Variants in SUCLA2 observed in about 807,000 individuals in gnomAD.
The protein encoded by SUCLA2 is succinate--CoA ligase [ADP-forming] subunit beta, mitochondrial.
In SUCLA2, 30 loss-of-function variants were observed where a neutral mutation model predicts 54.8. The observed-to-expected ratio is 0.55, with a 90% CI of 0.41 to 0.74. The LOEUF (loss-of-function observed/expected upper bound fraction) is 0.74, where lower values mean the gene tolerates loss of function less well. Ranked by LOEUF, SUCLA2 falls within the 30% of genes least tolerant of loss-of-function variation. SUCLA2 has a pLI of 0.00. For missense variants in SUCLA2, 476 were observed against 562.9 expected, an observed-to-expected ratio of 0.85 and a Z score of 1.56; for synonymous variants, 172 against 188.9, an observed-to-expected ratio of 0.91 and a Z score of 0.74.
intron 1 of SUCLA2, among the ~76,000 whole-genome samples, chr13:47,998,401 T>C (rs1950205872): frequency 6.6e-6 from 1 of 151,040 alleles, no homozygotes; most frequent in African/African-American, 2.4e-5. Context: ...TATGTATCAA[T>C]AGAAATTAGT....
At chr13:47,992,972 G>A (rs533371821) in intron 2 of SUCLA2, among the ~76,000 whole-genome samples, 14 of 152,326 alleles carry the variant, frequency 9.2e-5, no homozygotes, top group African/African-American at 2.6e-4. Flanking sequence ...GCTCACGCCT[G>A]TAGTCCCAGC....
intron 4 of SUCLA2, chr13:47,988,244 C>G (rs1030036969): frequency 2.2e-6 from 1 of 453,908 alleles, no homozygotes; most frequent in Non-Finnish European, 3.8e-6. Flanking sequence ...TTTTCTCAAT[C>G]TGGAGATGAT....
chr13:47,949,144 T>C (rs1245255217), intron 9 of SUCLA2, 116 bp from the exon 10 acceptor site: 3 of 1,023,458 alleles, frequency 2.9e-6, no homozygotes, highest in Non-Finnish European at 4.6e-6. Context: ...TTCCATTATT[T>C]AGTATAAACA....
intron 10 of SUCLA2, among the ~76,000 whole-genome samples, chr13:47,943,760 G>GTATATATATATATATA (rs1397232676): frequency 3.9e-5 from 5 of 129,368 alleles, no homozygotes; most frequent in African/African-American, 1.6e-4. Context: ...GTGTGTGTGT[G>GTATATATATATATATA]TGTGTGTATA....
Position 47,973,326 on chromosome 13 carries a change from C to G in SUCLA2, c.601G>C (p.Glu201Gln). 1 of 1,613,378 alleles carries G rather than the reference C, an allele frequency of 6.2e-7. No individual in the cohort carries two copies. Among genetic ancestry groups the G allele is most frequent in the Non-Finnish European group, 8.5e-7 (1 of 1,179,524 alleles). The change falls in exon 5 of 11, where the codon GAA becomes CAA. Residue 201 changes from glutamate (E) to glutamine (Q), a missense_variant. This residue lies in a region of SUCLA2 where 342 missense variants were observed against 444.2 expected (regional missense o/e 0.77). Transcript: ENST00000646932. The stretch of plus-strand genomic sequence containing the variant: ...TCAATAGGTTCTTTAATTATTGCTT[C>G]AGGAGACTCAGCAGCAACATCTTCA... ...NIEDVAAESPEAIIKEPIDIE... is the reference protein window; with the variant it reads ...NIEDVAAESPQAIIKEPIDIE...
At chr13:47,978,670 G>T (rs953333280) in intron 4 of SUCLA2, among the ~76,000 whole-genome samples, 1 of 152,170 alleles carries the variant, frequency 6.6e-6, no homozygotes, top group Non-Finnish European at 1.5e-5. Flanking sequence ...TGACAAATGA[G>T]ATCTAATTAA....
rs150896685 is a variant in SUCLA2 at position 47,981,917 on chromosome 13, T to C, written c.534+6624A>G. Among the ~76,000 whole-genome samples the C allele has an allele frequency of 5.9e-3, 897 of 151,622 alleles. 12 individuals are homozygous for C. Among genetic ancestry groups the C allele is most frequent in the African/African-American group, 0.02 (813 of 41,290 alleles). Reference sequence around the variant, plus strand: ...GAAGAATCACTTGATCCCGGGAGACTGGGGTTGCAGTGAGCCGAGACTGCA... The same window carrying C: ...GAAGAATCACTTGATCCCGGGAGACCGGGGTTGCAGTGAGCCGAGACTGCA... On this transcript the variant is annotated intron_variant, in intron 4 of 10. Coordinates refer to ENST00000646932, the MANE Select transcript of SUCLA2 (RefSeq NM_003850.3).
chr13:47,951,451 C>T (rs1420818568), intron 8 of SUCLA2, among the ~76,000 whole-genome samples: 1 of 152,138 alleles, frequency 6.6e-6, no homozygotes, highest in East Asian at 1.9e-4. Flanking sequence ...TCACTGCCAC[C>T]TGCATGCTCA....
In SUCLA2 at chr13:48,001,099, C is replaced by G. The variant is rs1024428843; in HGVS notation, c.90+81G>C. On this transcript the variant is annotated intron_variant, in intron 1 of 10. Coordinates refer to ENST00000646932, the MANE Select transcript of SUCLA2 (RefSeq NM_003850.3). ...AAATGTCACTGCCGGCGAAGTGACC[C>G]CGAGCCGGGCCACGGGACCCCTCAC... 1.8e-5 allele frequency: 28 copies of G among 1,534,914 alleles called. No homozygotes were observed. In the African/African-American group the frequency reaches 3.0e-4, roughly 17 times the overall value.
chr13:47,999,163 G>T (rs1593506996), intron 1 of SUCLA2, among the ~76,000 whole-genome samples: 1 of 151,984 alleles, frequency 6.6e-6, no homozygotes, highest in Non-Finnish European at 1.5e-5. Context: ...ATGTCACAAG[G>T]TCTCATCCCA....
At chr13:47,949,851 A>T (rs74802769) in intron 8 of SUCLA2, among the ~76,000 whole-genome samples, 243 of 152,310 alleles carry the variant, frequency 1.6e-3, no homozygotes, top group Admixed American at 3.9e-3. Context: ...TATATCCCAT[A>T]TGAACAAGAC....
At chr13:47,985,347 C>T (rs1325445693) in intron 4 of SUCLA2, among the ~76,000 whole-genome samples, 1 of 151,958 alleles carries the variant, frequency 6.6e-6, no homozygotes, top group Non-Finnish European at 1.5e-5. Context: ...AGGTATTAAG[C>T]CCAACATTCA....
intron 4 of SUCLA2, among the ~76,000 whole-genome samples, chr13:47,984,859 A>G (rs1352678985): frequency 1.3e-5 from 2 of 152,256 alleles, no homozygotes; most frequent in African/African-American, 4.8e-5. Context: ...AGCACATTTT[A>G]TAACTATTTC....
At chr13:47,971,988 C>T (rs930755205) in intron 5 of SUCLA2, 9 of 396,440 alleles carry the variant, frequency 2.3e-5, no homozygotes, top group Middle Eastern at 6.3e-4. Context: ...CGGTGGCTCA[C>T]GCCTGTAATC....
rs751589957 is a variant in SUCLA2, at chr13:47,943,466, A to G, written c.1318-21T>C. ...ACAACCTAAAAGAAAAGAACGAAGA[A>G]TTTTCACAAAAAGGTAAATTCAGAA... On this transcript the variant is annotated intron_variant, in intron 10 of 10. Transcript: ENST00000646932. The G allele has an allele frequency of 1.2e-5, 20 of 1,612,948 alleles. 1 individual carries two copies. In the South Asian group the frequency reaches 2.1e-4, roughly 17 times the overall value.
At chr13:47,964,054 G>A (rs140648737) in intron 6 of SUCLA2, among the ~76,000 whole-genome samples, 11 of 152,152 alleles carry the variant, frequency 7.2e-5, no homozygotes, top group East Asian at 5.8e-4. Flanking sequence ...GAAAACTACC[G>A]GAAATAACCC....
At chr13:47,984,944 TA>T (rs11284994) in intron 4 of SUCLA2, among the ~76,000 whole-genome samples, 110,847 of 152,030 alleles carry the variant, frequency 0.73, 41,361 homozygotes, top group Non-Finnish European at 0.81. Context: ...ACCAGAAAAA[TA>T]AAAGTAGTAA....
chr13:47,973,739 C>A (rs769743334), intron 4 of SUCLA2, among the ~76,000 whole-genome samples: 77 of 152,114 alleles, frequency 5.1e-4, no homozygotes, highest in Non-Finnish European at 9.0e-4. Context: ...GCACATATAC[C>A]ATGGAATACT....
chr13:48,001,038 AG>A lies in SUCLA2; in HGVS notation c.90+141del, dbSNP rs1421310716. The A allele has an allele frequency of 2.0e-6, 3 of 1,494,066 alleles. No individual in the cohort carries two copies. In the East Asian group the frequency reaches 7.5e-5, roughly 37 times the overall value. 92.6% of individuals were successfully genotyped at this position (1,494,066 alleles called of 1,614,324 possible). On this transcript the variant is annotated intron_variant, in intron 1 of 10. Transcript: ENST00000646932. ...CGTAGTCCTGGCGAGCAGCACTCCCAGGCAAGTCGCCCGAGGGCCTTGCAGG... is the reference window on the plus strand; with the variant it reads ...CGTAGTCCTGGCGAGCAGCACTCCCAGCAAGTCGCCCGAGGGCCTTGCAGG...
Sources: allele counts gnomAD v4.1 joint callset (sites outside exome capture counted in the v4.1 genomes callset), GRCh38; gene constraint gnomAD v4.1.1; regional missense constraint gnomAD v4.1.1; transcripts MANE v1.5; gene names NCBI Gene and HGNC (gene_info 2026-07-23, HGNC 2026-07-21).